UTRN: variants seen among roughly 807,000 people sequenced by gnomAD.
UTRN encodes the protein dystrophin-related protein 1.
A neutral mutation model predicts 463.9 loss-of-function variants in UTRN; 283 were observed. The observed-to-expected ratio is 0.61, with a 90% CI of 0.55 to 0.67. UTRN has a LOEUF of 0.67. Among genes scored for constraint, UTRN ranks in the 30% least tolerant of loss-of-function variants. UTRN has a pLI of 0.00. For missense variants in UTRN, 3,922 were observed against 4,084.3 expected (o/e 0.96, Z 1.08); for synonymous variants, 1,442 against 1,431.5 (o/e 1.01, Z -0.17).
chr6:144,612,208 T>C (rs1805599136), intron 51 of UTRN, among the ~76,000 whole-genome samples: 1 of 152,094 alleles, frequency 6.6e-6, no homozygotes, highest in African/African-American at 2.4e-5. Context: ...TCTTACACCA[T>C]AGGCAAAAAT....
intron 73 of UTRN, 45 bp downstream of exon 73, chr6:144,840,877 CCT>C: frequency 6.2e-7 from 1 of 1,605,854 alleles, no homozygotes; most frequent in Non-Finnish European, 8.5e-7. Flanking sequence ...GTGTTCCTTC[CCT>C]TTCTCTTTTT....
Position 144,683,350 on chromosome 6 carries a change from C to T in UTRN, c.7652+4772C>T, listed in dbSNP as rs541392064. The stretch of plus-strand genomic sequence containing the variant: ...GAATTTACAGATCAGATTCGTCACT[C>T]TACCTTTGCAGGGACTGTTTCAGGG... On this transcript the variant is annotated intron_variant, in intron 52 of 74. Transcript: ENST00000367545. 2.0e-5 allele frequency among the ~76,000 whole-genome samples: 3 copies of T among 152,294 alleles called. No homozygotes were observed. The East Asian group carries it at 5.8e-4, about 29-fold the overall frequency.
chr6:144,673,055 A>T (rs1475186160), intron 51 of UTRN, among the ~76,000 whole-genome samples: 1 of 151,984 alleles, frequency 6.6e-6, no homozygotes, highest in African/African-American at 2.4e-5. Context: ...TATAATTTTG[A>T]TTTTCTTAAA....
chr6:144,508,522 G>A (rs190763340), intron 34 of UTRN, among the ~76,000 whole-genome samples: 7 of 152,264 alleles, frequency 4.6e-5, no homozygotes, highest in East Asian at 3.9e-4. Flanking sequence ...AACCTCTTGC[G>A]CTTCCCTGGT....
chr6:144,717,205 C>T (rs1286117742), intron 53 of UTRN, among the ~76,000 whole-genome samples: 5 of 152,136 alleles, frequency 3.3e-5, no homozygotes, highest in Admixed American at 6.5e-5. Context: ...CAGTAAAATA[C>T]TAGTACTTCA....
intron 54 of UTRN, among the ~76,000 whole-genome samples, chr6:144,740,002 G>A (rs1789873769): frequency 1.3e-5 from 2 of 152,176 alleles, no homozygotes; most frequent in Non-Finnish European, 2.9e-5. Context: ...GCCACACACT[G>A]TGCCAAGAAA....
At chr6:144,840,606 T>C in intron 72 of UTRN, 134 bp from the exon 73 acceptor site, 1 of 952,170 alleles carries the variant, frequency 1.1e-6, no homozygotes, top group Admixed American at 2.7e-5. Context: ...CCTAAAATTG[T>C]CCTTTGCAAT....
At chr6:144,836,128 T>C (rs972143597) in intron 70 of UTRN, among the ~76,000 whole-genome samples, 173 bp from the exon 71 acceptor site, 4 of 152,226 alleles carry the variant, frequency 2.6e-5, no homozygotes, top group Non-Finnish European at 4.4e-5. Context: ...TGATGATGTC[T>C]ACTGGGACAC....
intron 50 of UTRN, among the ~76,000 whole-genome samples, chr6:144,567,785 C>T (rs902600903): frequency 6.6e-6 from 1 of 152,116 alleles, no homozygotes; most frequent in African/African-American, 2.4e-5. Flanking sequence ...CTTTTGAGCA[C>T]ACCAAAATTT....
chr6:144,493,748 G>A (rs1306113818), intron 33 of UTRN, among the ~76,000 whole-genome samples: 1 of 152,084 alleles, frequency 6.6e-6, no homozygotes, highest in East Asian at 1.9e-4. Context: ...GTCAGGTAAT[G>A]GCTTGAGCCC....
chr6:144,323,548 G>A (rs564563246), intron 2 of UTRN, among the ~76,000 whole-genome samples: 5 of 152,262 alleles, frequency 3.3e-5, no homozygotes, highest in African/African-American at 1.2e-4. Flanking sequence ...TTGCTTAAAA[G>A]TTTGCAGTCA....
chr6:144,602,203 C>T lies in UTRN; in HGVS notation c.7479+24915C>T, dbSNP rs139036966. On this transcript the variant is annotated intron_variant, in intron 51 of 74. Transcript: ENST00000367545. ...CTGGAGTGCAGGGGTACGATCTTGGCTCACTGCAACCTCCGCCTCCCAGGT... is the reference window on the plus strand; with the variant it reads ...CTGGAGTGCAGGGGTACGATCTTGGTTCACTGCAACCTCCGCCTCCCAGGT... Among the ~76,000 whole-genome samples, 200 of 152,118 alleles carry T rather than the reference C, an allele frequency of 1.3e-3. 2 individuals carry two copies. Among genetic ancestry groups the T allele is most frequent in the Admixed American group, 3.4e-3 (52 of 15,284 alleles).
intron 51 of UTRN, among the ~76,000 whole-genome samples, chr6:144,671,435 G>T (rs112853238): frequency 4.5e-4 from 69 of 151,818 alleles, no homozygotes; most frequent in African/African-American, 1.6e-3. Context: ...TTTGTTCTCG[G>T]CTTGGTCACT....
chr6:144,803,458 A>G (rs1477260062), intron 65 of UTRN, among the ~76,000 whole-genome samples: 1 of 152,036 alleles, frequency 6.6e-6, no homozygotes, highest in Non-Finnish European at 1.5e-5. Context: ...TTATGCTTTC[A>G]TAGTTAAATA....
intron 30 of UTRN, among the ~76,000 whole-genome samples, chr6:144,489,634 AT>A (rs1227409323): frequency 6.6e-6 from 1 of 151,608 alleles, no homozygotes; most frequent in Non-Finnish European, 1.5e-5. Context: ...TATTATTATT[AT>A]TTTTTAGACG....
Position 144,726,621 on chromosome 6 carries a change from C to A in UTRN, c.7810-3736C>A, listed in dbSNP as rs1303286172. Among the ~76,000 whole-genome samples, 4 of 152,166 alleles carry A rather than the reference C, an allele frequency of 2.6e-5. No homozygotes were observed. In the East Asian group the frequency reaches 7.7e-4, roughly 29 times the overall value. ...CACCTCTTTTGCATAGTAGAAGGTGCCAGGTCTAGGAAATACAAAGATAGT... is the reference window on the plus strand; with the variant it reads ...CACCTCTTTTGCATAGTAGAAGGTGACAGGTCTAGGAAATACAAAGATAGT... On this transcript the variant is annotated intron_variant, in intron 53 of 74. Coordinates refer to ENST00000367545, the MANE Select transcript of UTRN (RefSeq NM_007124.3).
chr6:144,780,561 TA>T (rs1775733911), intron 60 of UTRN, among the ~76,000 whole-genome samples: 2 of 152,218 alleles, frequency 1.3e-5, no homozygotes, highest in Admixed American at 1.3e-4. Flanking sequence ...CCACACTCAA[TA>T]AATGTATAGA....
At chr6:144,743,328 A>G (rs903760431) in intron 54 of UTRN, among the ~76,000 whole-genome samples, 9 of 152,232 alleles carry the variant, frequency 5.9e-5, no homozygotes, top group African/African-American at 2.2e-4. Context: ...AAACAATAAC[A>G]CTGGGCGAAT....
intron 2 of UTRN, among the ~76,000 whole-genome samples, chr6:144,350,031 A>G (rs2114655158): frequency 6.6e-6 from 1 of 152,310 alleles, no homozygotes; most frequent in South Asian, 2.1e-4. Flanking sequence ...ATTGTGCTAA[A>G]GTGAAATTTT....
Sources: gnomAD v4.1 joint callset for allele counts (sites outside exome capture counted in the v4.1 genomes callset) on GRCh38, gnomAD v4.1.1 for gene constraint, MANE v1.5 for transcripts, NCBI Gene and HGNC (gene_info 2026-07-23, HGNC 2026-07-21) for gene names.